Variants in SRC observed in about 807,000 individuals in gnomAD.
The protein encoded by SRC is proto-oncogene tyrosine-protein kinase Src.
In SRC, 13 loss-of-function variants were observed where a neutral mutation model predicts 62.9. The ratio of observed to expected loss-of-function variants is 0.21; its 90% CI spans 0.13 to 0.33. SRC has a LOEUF of 0.33. Ranked by LOEUF, SRC falls within the 10% of genes least tolerant of loss-of-function variation. SRC has a pLI of 1.00. For missense variants in SRC, 457 were observed against 737.3 expected (o/e 0.62, Z 4.40); for synonymous variants, 302 against 317.5 (o/e 0.95, Z 0.52).
Position 37,395,599 on chromosome 20 carries a change from C to T in SRC, c.554-563C>T, listed in dbSNP as rs117360333. Among the ~76,000 whole-genome samples, 518 of 152,366 alleles carry T rather than the reference C, an allele frequency of 3.4e-3. 2 individuals carry two copies. The highest frequency in any genetic ancestry group is 5.7e-3 in the Non-Finnish European group (391 of 68,038). The stretch of plus-strand genomic sequence containing the variant: ...CCAGCCCGTGGTCTCCTGCCCACGA[C>T]GGCCAAAGCCTCTGCCAACCACCCC... On this transcript the variant is annotated intron_variant, in intron 7 of 13. Transcript: ENST00000373578.
At chr20:37,379,019 G>A (rs1272336964) in intron 2 of SRC, among the ~76,000 whole-genome samples, 1 of 151,888 alleles carries the variant, frequency 6.6e-6, no homozygotes, top group Non-Finnish European at 1.5e-5. Flanking sequence ...GGATGGGGGT[G>A]GGGGGGAGAT....
rs538892346 is a variant in SRC, at chr20:37,405,011, C to T, written c.*1632C>T. The T allele has an allele frequency of 4.4e-6, 1 of 229,482 alleles. No homozygotes were observed. The highest frequency in any genetic ancestry group is 2.2e-5 in the African/African-American group (1 of 45,094). 14.2% of individuals were successfully genotyped at this position (229,482 alleles called of 1,614,324 possible). On this transcript the variant is annotated 3_prime_UTR_variant, in exon 14 of 14. Transcript: ENST00000373578. ...GCCCCCTCATCATAGCAATAACATT[C>T]CCACTGCCAGGGGTTCTTGAGCCAG...
intron 2 of SRC, among the ~76,000 whole-genome samples, chr20:37,376,407 G>A (rs996480967): frequency 3.0e-4 from 46 of 152,174 alleles, no homozygotes; most frequent in Non-Finnish European, 1.6e-4. Context: ...CATTATGTAG[G>A]AACAATCACA....
intron 1 of SRC, among the ~76,000 whole-genome samples, chr20:37,353,094 A>C (rs1455158287): frequency 1.3e-5 from 2 of 152,204 alleles, no homozygotes; most frequent in Non-Finnish European, 2.9e-5. Flanking sequence ...TCCCAAGGGC[A>C]CAGCCCTTTA....
intron 2 of SRC, among the ~76,000 whole-genome samples, chr20:37,378,762 G>A (rs529204048): frequency 2.0e-5 from 3 of 152,266 alleles, no homozygotes; most frequent in South Asian, 4.1e-4. Context: ...CTCTGGCTGC[G>A]GGGGGAGGGT....
At chr20:37,383,925 CG>C (rs1244822139) in intron 3 of SRC, among the ~76,000 whole-genome samples, 6 of 151,622 alleles carry the variant, frequency 4.0e-5, no homozygotes, top group Non-Finnish European at 7.4e-5. Context: ...AAGTAGAGCC[CG>C]GGTTTCCGCG....
At chr20:37,394,524 CAT>C (rs1427417456) in intron 7 of SRC, among the ~76,000 whole-genome samples, 1 of 152,134 alleles carries the variant, frequency 6.6e-6, no homozygotes, top group East Asian at 1.9e-4. Flanking sequence ...AAAAGATGAA[CAT>C]AGGTTGTCTG....
chr20:37,351,481 G>A lies in SRC; in HGVS notation c.-247+5226G>A, dbSNP rs192881110. Among the ~76,000 whole-genome samples the A allele has an allele frequency of 1.6e-4, 24 of 152,220 alleles. No individual in the cohort carries two copies. The highest frequency in any genetic ancestry group is 1.4e-3 in the Admixed American group (22 of 15,288). ...GGACCCACTGAGAAACTTTAGGAACGGGTTCTTTTGAACCCTTGGACCTGC... is the reference window on the plus strand; with the variant it reads ...GGACCCACTGAGAAACTTTAGGAACAGGTTCTTTTGAACCCTTGGACCTGC... On this transcript the variant is annotated intron_variant, in intron 1 of 13. Transcript: ENST00000373578. The surrounding 1 kb of genome is among the most constrained non-coding windows in gnomAD (Gnocchi z 4.4).
chr20:37,376,537 CTT>C (rs1358446468), intron 2 of SRC, among the ~76,000 whole-genome samples: 2 of 152,158 alleles, frequency 1.3e-5, no homozygotes, highest in African/African-American at 4.8e-5. Flanking sequence ...GAGTTTTGCT[CTT>C]GTTGCCCAGG....
intron 2 of SRC, among the ~76,000 whole-genome samples, chr20:37,382,271 A>G (rs1472560296): frequency 1.3e-5 from 2 of 152,198 alleles, no homozygotes; most frequent in African/African-American, 4.8e-5. Flanking sequence ...TGCATTTATC[A>G]CAATGACCCC....
Position 37,346,263 on chromosome 20 carries a change from C to A in SRC, c.-247+8C>A, listed in dbSNP as rs2069716572. ...GCCCGCCCGCCGGCCCAGGTGAGCG[C>A]CCCCCGCCCCTCCGCGGACCCCCCG... On this transcript the variant is annotated splice_region_variant and intron_variant, in intron 1 of 13. Coordinates refer to ENST00000373578, the MANE Select transcript of SRC (RefSeq NM_198291.3). 6.7e-6 allele frequency: 1 copy of A among 149,134 alleles called. No homozygotes were observed. Among genetic ancestry groups the A allele is most frequent in the Admixed American group, 6.6e-5 (1 of 15,048 alleles). 9.2% of individuals were successfully genotyped at this position (149,134 alleles called of 1,614,324 possible).
At position 37,351,911 on chromosome 20, in the gene SRC, T is replaced by C. The variant is rs1389209846; in HGVS notation, c.-247+5656T>C. Reference sequence around the variant, plus strand: ...GTGTGTACCCAACGTGGCTAAAACTTTTCCCAGGTATAGGAGGGGTGCGGT... The same window carrying C: ...GTGTGTACCCAACGTGGCTAAAACTCTTCCCAGGTATAGGAGGGGTGCGGT... On this transcript the variant is annotated intron_variant, in intron 1 of 13. Transcript: ENST00000373578. The surrounding 1 kb of genome is among the most constrained non-coding windows in gnomAD (Gnocchi z 4.4). 1.3e-5 allele frequency among the ~76,000 whole-genome samples: 2 copies of C among 152,204 alleles called. No individual in the cohort carries two copies. The highest frequency in any genetic ancestry group is 1.5e-5 in the Non-Finnish European group (1 of 68,046).
Position 37,384,401 on chromosome 20 carries a change from C to T in SRC, c.248C>T (p.Ala83Val). Residue 83 changes from alanine (A) to valine (V), a missense_variant and splice_region_variant, in exon 4 of 14, where the codon GCC (alanine) becomes GTC (valine). Ala to Val is a moderately conservative substitution (Grantham distance 64). This residue lies in a region of SRC where 132 missense variants were observed against 135.4 expected (regional missense o/e 0.98). Transcript: ENST00000373578. This position sits in a 1 kb window ranked among gnomAD's most constrained non-coding sequence, Gnocchi z 6.7. ...VTSPQRAGPLAGGVTTFVALY... is the reference protein window; with the variant it reads ...VTSPQRAGPLVGGVTTFVALY... ...TCCCCGCAGAGGGCGGGCCCGCTGG[C>T]CGGTCAGTGCGCGGGCGGCGCGGGG... 7.1e-7 allele frequency: 1 copy of T among 1,412,794 alleles called. No homozygotes were observed. The allele number at this position is 1,412,794 out of a possible 1,614,324, so 87.5% of individuals were successfully genotyped here. A position where few individuals can be genotyped will look rare whatever the true frequency, so the allele number is the denominator to read the frequency against.
chr20:37,401,396 C>G (rs1473214983), intron 10 of SRC, among the ~76,000 whole-genome samples: 1 of 152,092 alleles, frequency 6.6e-6, no homozygotes, highest in Non-Finnish European at 1.5e-5. Context: ...ACCTGTTCAC[C>G]TGGAGGTGGA....
chr20:37,390,012 C>G (rs978567212), intron 5 of SRC, among the ~76,000 whole-genome samples: 1 of 152,148 alleles, frequency 6.6e-6, no homozygotes, highest in Non-Finnish European at 1.5e-5. Flanking sequence ...CTTTGAGCCT[C>G]CCAAGCCCTT....
intron 1 of SRC, among the ~76,000 whole-genome samples, chr20:37,358,514 C>T (rs956331778): frequency 6.6e-6 from 1 of 152,242 alleles, no homozygotes; most frequent in Non-Finnish European, 1.5e-5. Flanking sequence ...GGTCTCTGCA[C>T]AGCCCAGGGC....
intron 2 of SRC, among the ~76,000 whole-genome samples, chr20:37,373,125 T>C (rs550962617): frequency 1.7e-4 from 25 of 148,110 alleles, no homozygotes; most frequent in African/African-American, 5.2e-4. Context: ...CACACATATG[T>C]ACATATATAC....
intron 2 of SRC, among the ~76,000 whole-genome samples, chr20:37,367,755 T>C (rs542771793): frequency 5.9e-4 from 89 of 152,066 alleles, no homozygotes; most frequent in African/African-American, 2.0e-3. Context: ...CAAGCAATCC[T>C]CCCATCTCAG....
At position 37,403,587 on chromosome 20, in the gene SRC, C is replaced by T. The variant is rs11907753; in HGVS notation, c.*208C>T. On this transcript the variant is annotated 3_prime_UTR_variant, in exon 14 of 14. Coordinates refer to ENST00000373578, the MANE Select transcript of SRC (RefSeq NM_198291.3). The surrounding 1 kb of genome is among the most constrained non-coding windows in gnomAD (Gnocchi z 7.1). ...GGGCGGTGGGTATGCGAGACCAGCA[C>T]GGTGACTCTGTCCAGCTCCCGCTGT... is the stretch of plus-strand genomic sequence containing the variant. The T allele has an allele frequency of 5.4e-3, 3,269 of 602,172 alleles. 81 individuals carry two copies. In the African/African-American group the frequency reaches 0.054, roughly 10 times the overall value. 37.3% of individuals were successfully genotyped at this position (602,172 alleles called of 1,614,324 possible).
Sources: gnomAD v4.1 joint callset for allele counts (sites outside exome capture counted in the v4.1 genomes callset) on GRCh38, gnomAD v4.1.1 for gene constraint, gnomAD v4.1.1 regional missense constraint, Gnocchi (gnomAD v3.1) non-coding constraint, MANE v1.5 for transcripts, NCBI Gene and HGNC (gene_info 2026-07-23, HGNC 2026-07-21) for gene names.